Variants in ZC3H12B observed in about 807,000 individuals in gnomAD.
ZC3H12B encodes zinc finger CCCH-type containing 12B, also known as probable ribonuclease ZC3H12B.
In ZC3H12B, 7 loss-of-function variants were observed where a neutral mutation model predicts 43.9. The ratio of observed to expected loss-of-function variants is 0.16; its 90% CI spans 0.09 to 0.30. ZC3H12B has a LOEUF of 0.30. Among genes scored for constraint, ZC3H12B ranks in the 10% least tolerant of loss-of-function variants. ZC3H12B has a pLI of 1.00. For synonymous variants in ZC3H12B, 222 were observed against 241.7 expected (o/e 0.92, Z 0.76); for missense variants, 475 against 670.2 (o/e 0.71, Z 3.22).
chrX:65,304,471 C>T, the ZC3H12B span, among the ~76,000 whole-genome samples: 2 of 110,432 alleles, frequency 1.8e-5, no homozygotes, highest in African/African-American at 6.6e-5. Flanking sequence ...AAAAAAATAG[C>T]CGGGCGTGGT....
At chrX:65,407,799 C>T (rs2066851700) in intron 3 of ZC3H12B, among the ~76,000 whole-genome samples, 2 of 113,289 alleles carry the variant, frequency 1.8e-5, no homozygotes, top group South Asian at 7.1e-4. Context: ...GCGCACAGTC[C>T]CCGAACGCCC....
chrX:65,102,175 A>T, the ZC3H12B span, among the ~76,000 whole-genome samples: 1 of 111,894 alleles, frequency 8.9e-6, no homozygotes, highest in South Asian at 3.7e-4. Context: ...CCTTTGATAA[A>T]ATTCAACACG....
chrX:65,342,931 A>G, the ZC3H12B span, among the ~76,000 whole-genome samples: 2 of 111,312 alleles, frequency 1.8e-5, no homozygotes, highest in East Asian at 5.6e-4. Flanking sequence ...AGACTAACAA[A>G]GAAGAAAAGG....
chrX:65,167,074 T>G, the ZC3H12B span, among the ~76,000 whole-genome samples: 1 of 112,169 alleles, frequency 8.9e-6, no homozygotes, highest in Middle Eastern at 4.6e-3. Flanking sequence ...CTTCTGGCTT[T>G]TGTTGCCGTT....
At chrX:65,325,947 A>G in the ZC3H12B span, among the ~76,000 whole-genome samples, 1 of 111,800 alleles carries the variant, frequency 8.9e-6, no homozygotes, top group African/African-American at 3.2e-5. Flanking sequence ...AGTATGTACA[A>G]TGAGAAAAGG....
chrX:65,476,714 C>A (rs1328164377), intron 3 of ZC3H12B, among the ~76,000 whole-genome samples: 1 of 111,062 alleles, frequency 9.0e-6, no homozygotes, highest in African/African-American at 3.3e-5. Flanking sequence ...CTAGGTGAAA[C>A]CTAGGTCAAA....
At chrX:65,317,787 A>T in the ZC3H12B span, among the ~76,000 whole-genome samples, 1 of 102,062 alleles carries the variant, frequency 9.8e-6, no homozygotes, top group Non-Finnish European at 2.0e-5. Context: ...TATATATATA[A>T]ATATACACAC....
chrX:65,403,201 G>A (rs922316765), intron 3 of ZC3H12B, among the ~76,000 whole-genome samples: 1 of 112,206 alleles, frequency 8.9e-6, no homozygotes, highest in Non-Finnish European at 1.9e-5. Flanking sequence ...GAATGCATCA[G>A]AGTCTCTTAA....
chrX:65,294,984 T>C, the ZC3H12B span, among the ~76,000 whole-genome samples: 1 of 109,405 alleles, frequency 9.1e-6, no homozygotes, highest in Non-Finnish European at 1.9e-5. Context: ...ACTTAACCTA[T>C]ATCCTAGAAA....
the ZC3H12B span, among the ~76,000 whole-genome samples, chrX:65,150,325 T>G: frequency 9.0e-6 from 1 of 111,344 alleles, no homozygotes; most frequent in Admixed American, 9.6e-5. Context: ...ACCCACTCCT[T>G]CTGGACCTTC....
intron 3 of ZC3H12B, among the ~76,000 whole-genome samples, chrX:65,430,990 G>C (rs1270031900): frequency 8.9e-6 from 1 of 112,053 alleles, no homozygotes; most frequent in African/African-American, 3.2e-5. Flanking sequence ...ATGGACTGCA[G>C]CTGCTTCTAA....
chrX:65,174,034 A>C, the ZC3H12B span, among the ~76,000 whole-genome samples: 1 of 110,988 alleles, frequency 9.0e-6, no homozygotes, highest in African/African-American at 3.3e-5. Flanking sequence ...CTGGAGGTTC[A>C]CTCCAGAAAC....
At chrX:65,343,088 C>T in the ZC3H12B span, among the ~76,000 whole-genome samples, 1 of 111,034 alleles carries the variant, frequency 9.0e-6, no homozygotes, top group African/African-American at 3.3e-5. Context: ...AATTCCTGGA[C>T]ACATACACCC....
At chrX:65,331,853 T>A in the ZC3H12B span, among the ~76,000 whole-genome samples, 1 of 111,307 alleles carries the variant, frequency 9.0e-6, no homozygotes, top group Non-Finnish European at 1.9e-5. Flanking sequence ...GTTACAGCAT[T>A]GGTGGAAGTG....
chrX:65,286,131 T>C, the ZC3H12B span, among the ~76,000 whole-genome samples: 2 of 111,851 alleles, frequency 1.8e-5, no homozygotes, highest in African/African-American at 6.5e-5. Context: ...AACATATGAA[T>C]ATTCACAATA....
the ZC3H12B span, among the ~76,000 whole-genome samples, chrX:65,204,227 T>A: frequency 2.7e-5 from 3 of 112,191 alleles, no homozygotes; most frequent in African/African-American, 9.7e-5. Flanking sequence ...TTGGTTCTCA[T>A]GAAGTTGCTT....
At chrX:65,339,422 C>T in the ZC3H12B span, among the ~76,000 whole-genome samples, 1 of 112,066 alleles carries the variant, frequency 8.9e-6, no homozygotes, top group African/African-American at 3.2e-5. Context: ...GAGAAGACCC[C>T]TCAAACATCA....
intron 1 of ZC3H12B, among the ~76,000 whole-genome samples, chrX:65,491,169 AAACT>A (rs1337872510): frequency 2.7e-5 from 3 of 112,166 alleles, no homozygotes; most frequent in Non-Finnish European, 5.6e-5. Context: ...GAAATGAAAC[AAACT>A]AACATTTATG....
At chrX:65,331,484 G>A in the ZC3H12B span, among the ~76,000 whole-genome samples, 1 of 110,661 alleles carries the variant, frequency 9.0e-6, no homozygotes, top group Non-Finnish European at 1.9e-5. Context: ...AGAGGCTAGA[G>A]GTAGACAGAA....
Sources: gnomAD v4.1 joint callset for allele counts (sites outside exome capture counted in the v4.1 genomes callset) on GRCh38, gnomAD v4.1.1 for gene constraint, MANE v1.5 for transcripts, NCBI Gene and HGNC (gene_info 2026-07-23, HGNC 2026-07-21) for gene names.